Variants in CCDC112 observed in about 807,000 individuals in gnomAD.
The protein encoded by CCDC112 is coiled-coil domain-containing protein 112.
CCDC112 carries 40 observed loss-of-function variants against 66.3 expected under a neutral mutation model. The observed-to-expected ratio is 0.60, with a 90% CI of 0.47 to 0.79. The LOEUF is 0.79. Among genes scored for constraint, CCDC112 ranks in the 30% least tolerant of loss-of-function variants. The probability of loss-of-function intolerance (pLI) is 0.00; values close to 1 mark genes in which losing one functional copy is unlikely to be tolerated. For synonymous variants in CCDC112, 214 were observed against 197.2 expected, an observed-to-expected ratio of 1.09 and a Z score of -0.71; for missense variants, 659 against 603.8, an observed-to-expected ratio of 1.09 and a Z score of -0.96.
intron 1 of CCDC112, among the ~76,000 whole-genome samples, chr5:115,287,489 A>G (rs971937740): frequency 7.9e-5 from 12 of 152,156 alleles, no homozygotes; most frequent in African/African-American, 2.7e-4. Context: ...AAATGGAGTT[A>G]CTCATGCTAA....
At chr5:115,271,183 A>T (rs1748978648) in intron 7 of CCDC112, 30 bp downstream of exon 7, 1 of 1,544,508 alleles carries the variant, frequency 6.5e-7, no homozygotes, top group Admixed American at 2.2e-5. Flanking sequence ...TGTAGCATTT[A>T]AAAATTATTT....
chr5:115,271,114 G>C, intron 7 of CCDC112, 99 bp downstream of exon 7: 1 of 1,082,586 alleles, frequency 9.2e-7, no homozygotes, highest in South Asian at 1.6e-5. Flanking sequence ...GCTATACACA[G>C]GTCCAATATA....
chr5:115,282,390 C>T (rs1462968213), intron 2 of CCDC112, among the ~76,000 whole-genome samples: 1 of 152,108 alleles, frequency 6.6e-6, no homozygotes, highest in Non-Finnish European at 1.5e-5. Context: ...TCAAGTAGAT[C>T]CATTACATCT....
At chr5:115,278,128 G>T (rs941031974) in intron 3 of CCDC112, among the ~76,000 whole-genome samples, 1 of 152,092 alleles carries the variant, frequency 6.6e-6, no homozygotes, top group East Asian at 1.9e-4. Context: ...GGGTCTTACT[G>T]TTGAACTTTA....
chr5:115,279,524 C>A, intron 3 of CCDC112, 123 bp downstream of exon 3: 2 of 972,360 alleles, frequency 2.1e-6, no homozygotes, highest in African/African-American at 1.6e-5. Flanking sequence ...ATAACACAGT[C>A]AATAGAGAAC....
intron 1 of CCDC112, among the ~76,000 whole-genome samples, chr5:115,291,796 C>T (rs1042314560): frequency 2.5e-4 from 38 of 152,098 alleles, no homozygotes; most frequent in African/African-American, 9.2e-4. Context: ...AACTGGCTGG[C>T]AGTCTTTTTC....
At chr5:115,279,813 T>G (rs1451583963) in intron 2 of CCDC112, 45 bp from the exon 3 acceptor site, 1 of 1,044,844 alleles carries the variant, frequency 9.6e-7, no homozygotes, top group Non-Finnish European at 1.4e-6. Flanking sequence ...CTAAATATAT[T>G]TTTAATAGTT....
intron 1 of CCDC112, chr5:115,296,009 G>C: frequency 1.0e-6 from 1 of 990,264 alleles, no homozygotes; most frequent in South Asian, 4.7e-5. Flanking sequence ...TCCCAGCGCC[G>C]GTACAGTAAC....
At chr5:115,293,072 GGACATTACGCTAA>G (rs1344426470) in intron 1 of CCDC112, among the ~76,000 whole-genome samples, 5 of 152,134 alleles carry the variant, frequency 3.3e-5, no homozygotes, top group African/African-American at 9.7e-5. Context: ...TGAACCTGGA[GGACATTACGCTAA>G]GTGAAACAGA....
intron 2 of CCDC112, among the ~76,000 whole-genome samples, chr5:115,281,442 G>A (rs183159841): frequency 5.8e-4 from 88 of 152,266 alleles, no homozygotes; most frequent in African/African-American, 2.0e-3. Context: ...TGTGTGTTTA[G>A]GTAGCTTCTA....
At chr5:115,278,271 G>C (rs1399732202) in intron 3 of CCDC112, among the ~76,000 whole-genome samples, 1 of 152,046 alleles carries the variant, frequency 6.6e-6, no homozygotes, top group East Asian at 1.9e-4. Flanking sequence ...CATTTGGATA[G>C]ATAGACAAAT....
intron 1 of CCDC112, among the ~76,000 whole-genome samples, chr5:115,294,350 C>T (rs553189491): frequency 7.2e-5 from 11 of 152,150 alleles, no homozygotes; most frequent in Admixed American, 1.3e-4. Flanking sequence ...TTTGATAGAA[C>T]TAGTGTTCCT....
chr5:115,283,639 C>A (rs1450474486), intron 2 of CCDC112, among the ~76,000 whole-genome samples: 5 of 151,972 alleles, frequency 3.3e-5, no homozygotes, highest in Non-Finnish European at 5.9e-5. Flanking sequence ...GGGGAAAAGA[C>A]AAAAGTATTA....
intron 2 of CCDC112, among the ~76,000 whole-genome samples, chr5:115,284,251 A>T (rs1422930355): frequency 6.6e-6 from 1 of 152,196 alleles, no homozygotes; most frequent in Non-Finnish European, 1.5e-5. Context: ...GGCTGGAGCC[A>T]GCCTAAGAGT....
intron 1 of CCDC112, among the ~76,000 whole-genome samples, chr5:115,293,962 AG>A (rs1750042204): frequency 6.6e-6 from 1 of 152,220 alleles, no homozygotes; most frequent in African/African-American, 2.4e-5. Flanking sequence ...ACAATGATCA[AG>A]AGAACAGATG....
rs1749003695 is a variant in CCDC112, at chr5:115,271,607, G to A, written c.938C>T (p.Thr313Ile). The change falls in exon 7 of 10, where the codon ACT becomes ATT. Residue 313 changes from threonine to isoleucine, a missense_variant. Transcript: ENST00000379611. ...RKKESIQIWK[T>I]KKQQKREEIF... ...TTCCTCCCTTTTTTGCTGCTTTTTA[G>A]TTTTCCAAATCTGAATTGACTAAAT... is the stretch of plus-strand genomic sequence containing the variant. The A allele has an allele frequency of 4.6e-6, 7 of 1,529,720 alleles. No homozygotes were observed. The highest frequency in any genetic ancestry group is 6.1e-6 in the Non-Finnish European group (7 of 1,146,594). The allele number at this position is 1,529,720 out of a possible 1,614,324, so 94.8% of individuals were successfully genotyped here. A position where few individuals can be genotyped will look rare whatever the true frequency, so the allele number is the denominator to read the frequency against.
chr5:115,284,977 A>G lies in CCDC112; in HGVS notation c.118-69T>C, dbSNP rs962333567. 3.5e-6 allele frequency: 5 copies of G among 1,448,538 alleles called. No individual in the cohort carries two copies. In the African/African-American group the frequency reaches 5.6e-5, roughly 16 times the overall value. 89.7% of individuals were successfully genotyped at this position (1,448,538 alleles called of 1,614,324 possible). A position where few individuals can be genotyped will look rare whatever the true frequency, so the allele number is the denominator to read the frequency against. On this transcript the variant is annotated intron_variant, in intron 1 of 9. Transcript: ENST00000379611. ...AGACATAAATGTGGAATTTTTTCAG[A>G]GAGATAAAATGTCAATAGTTGAGTT...
At chr5:115,279,853 T>C in intron 2 of CCDC112, 85 bp from the exon 3 acceptor site, 1 of 758,646 alleles carries the variant, frequency 1.3e-6, no homozygotes, top group Non-Finnish European at 2.1e-6. Flanking sequence ...ATAATCCGTA[T>C]TTTATATTTG....
At chr5:115,278,414 A>C (rs2127059968) in intron 3 of CCDC112, among the ~76,000 whole-genome samples, 1 of 152,100 alleles carries the variant, frequency 6.6e-6, no homozygotes, top group East Asian at 1.9e-4. Context: ...AGCATTCTTT[A>C]CTCTCCTAGA....
Sources: gnomAD v4.1 joint callset for allele counts (sites outside exome capture counted in the v4.1 genomes callset) on GRCh38, gnomAD v4.1.1 for gene constraint, MANE v1.5 for transcripts, NCBI Gene and HGNC (gene_info 2026-07-23, HGNC 2026-07-21) for gene names.